Variants in SCN11A observed in about 807,000 individuals in gnomAD.
The protein encoded by SCN11A is sodium channel protein type 11 subunit alpha.
A neutral mutation model predicts 162.2 loss-of-function variants in SCN11A; 122 were observed. The observed-to-expected ratio is 0.75, with a 90% CI of 0.65 to 0.87. The LOEUF (loss-of-function observed/expected upper bound fraction) is 0.87. SCN11A is among the 40% of genes least tolerant of loss of function. SCN11A has a pLI of 0.00. For missense variants in SCN11A, 2,015 were observed against 2,181.6 expected, an observed-to-expected ratio of 0.92 and a Z score of 1.52; for synonymous variants, 758 against 751.5, an observed-to-expected ratio of 1.01 and a Z score of -0.14.
intron 2 of SCN11A, among the ~76,000 whole-genome samples, chr3:39,031,694 T>C (rs2031755857): frequency 6.6e-6 from 1 of 152,230 alleles, no homozygotes; most frequent in Admixed American, 6.5e-5. Context: ...GCTTTACTTC[T>C]GTATAATTAT....
At chr3:38,873,550 G>A (rs190505826) in intron 23 of SCN11A, among the ~76,000 whole-genome samples, 92 of 152,154 alleles carry the variant, frequency 6.0e-4, no homozygotes, top group African/African-American at 2.0e-3. Flanking sequence ...TAGCTTTCTC[G>A]CAAATACTCC....
At chr3:38,971,496 C>T (rs1378367870) in intron 2 of SCN11A, among the ~76,000 whole-genome samples, 4 of 152,190 alleles carry the variant, frequency 2.6e-5, no homozygotes, top group South Asian at 2.1e-4. Flanking sequence ...TCATCTCCCC[C>T]GCACTCATGC....
intron 3 of SCN11A, among the ~76,000 whole-genome samples, chr3:38,958,320 C>A (rs952150203): frequency 7.9e-5 from 12 of 152,206 alleles, no homozygotes; most frequent in Non-Finnish European, 1.6e-4. Context: ...GGCCATGGGC[C>A]ACAGTGCCTG....
chr3:39,049,512 G>A (rs1275475436), intron 1 of SCN11A, among the ~76,000 whole-genome samples: 1 of 152,220 alleles, frequency 6.6e-6, no homozygotes, highest in African/African-American at 2.4e-5. Flanking sequence ...CTCCCTCAAT[G>A]ATGGGGAGGG....
chr3:39,037,452 G>C lies in SCN11A; in HGVS notation c.-403-4949C>G, dbSNP rs79970606. ...TGACTACAGTCATTTATAATTTGTT[G>C]TATGTTTTAGAATAACTAAGGGAGT... On this transcript the variant is annotated intron_variant, in intron 1 of 29. Transcript: ENST00000302328. 6.8e-4 allele frequency among the ~76,000 whole-genome samples: 103 copies of C among 152,166 alleles called. 5 individuals carry two copies. The East Asian group carries it at 0.02, about 29-fold the overall frequency.
intron 7 of SCN11A, among the ~76,000 whole-genome samples, chr3:38,936,552 T>C (rs1254395884): frequency 1.3e-5 from 2 of 151,112 alleles, no homozygotes; most frequent in Non-Finnish European, 2.9e-5. Context: ...TGTACAAAAA[T>C]CACAAGCATT....
intron 14 of SCN11A, among the ~76,000 whole-genome samples, chr3:38,905,877 G>A (rs1377624438): frequency 6.6e-6 from 1 of 152,172 alleles, no homozygotes; most frequent in Non-Finnish European, 1.5e-5. Flanking sequence ...CTGGGCCCAA[G>A]GGCTAGCTCA....
chr3:38,917,607 T>C (rs537502281), intron 11 of SCN11A, among the ~76,000 whole-genome samples: 2 of 152,250 alleles, frequency 1.3e-5, no homozygotes, highest in East Asian at 1.9e-4. Flanking sequence ...AAATGAGAGA[T>C]AAATGATGAG....
In SCN11A at chr3:38,944,950, C is replaced by T. The variant is rs548958278; in HGVS notation, c.488+461G>A. Among the ~76,000 whole-genome samples the T allele has an allele frequency of 7.3e-5, 11 of 150,270 alleles. No individual in the cohort carries two copies. The East Asian group carries it at 1.8e-3, about 24-fold the overall frequency. On this transcript the variant is annotated intron_variant, in intron 7 of 29. Transcript: ENST00000302328. Reference sequence around the variant, plus strand: ...TGCACTCCAGCCTGGGCAACAAGAGCAAAACCCTGTCTCAAAAAATAAAAA... The same window carrying T: ...TGCACTCCAGCCTGGGCAACAAGAGTAAAACCCTGTCTCAAAAAATAAAAA...
rs1359002379 is a variant in SCN11A, at chr3:38,846,930, C to T, written c.5140G>A (p.Ala1714Thr). ...KAMMEEKFME[A>T]NPLKKLYEPI... ...TCATACAACTTCTTGAGAGGATTGG[C>T]TTCCATGAACTTCTCTTCCATCATT... is the stretch of plus-strand genomic sequence containing the variant. Residue 1714 changes from alanine to threonine, a missense_variant, in exon 30 of 30, where the codon GCC becomes ACC. By Grantham distance (58) the Ala-to-Thr change is moderately conservative. Coordinates refer to ENST00000302328, the MANE Select transcript of SCN11A (RefSeq NM_001349253.2). 1 of 1,613,992 alleles carries T rather than the reference C, an allele frequency of 6.2e-7. No individual in the cohort carries two copies. The highest frequency in any genetic ancestry group is 8.5e-7 in the Non-Finnish European group (1 of 1,180,004).
chr3:38,875,572 G>A (rs977252577), intron 23 of SCN11A, among the ~76,000 whole-genome samples: 1 of 152,050 alleles, frequency 6.6e-6, no homozygotes, highest in Non-Finnish European at 1.5e-5. Context: ...TGACCAAGCT[G>A]AGAAACAAGT....
intron 2 of SCN11A, among the ~76,000 whole-genome samples, chr3:38,963,849 C>T (rs985429234): frequency 5.3e-5 from 8 of 152,176 alleles, no homozygotes; most frequent in Non-Finnish European, 1.2e-4. Flanking sequence ...AACCAAATAC[C>T]ACCTGTACCC....
rs1282716878 is a variant in SCN11A at position 38,907,350 on chromosome 3, C to CTA, written c.1473+597_1473+598dup. ...TGTGTGTGTGTGTGTGTGTATATAT[C>CTA]TATATATACACACACACACACACAC... On this transcript the variant is annotated intron_variant, in intron 14 of 29. Transcript: ENST00000302328. Among the ~76,000 whole-genome samples, 84 of 51,542 alleles carry CTA rather than the reference C, an allele frequency of 1.6e-3. 2 individuals carry two copies. Among genetic ancestry groups the CTA allele is most frequent in the Admixed American group, 6.1e-3 (24 of 3,928 alleles). 33.8% of individuals were successfully genotyped at this position (51,542 alleles called of 152,430 possible).
At chr3:38,848,495 C>T (rs1224405223) in intron 29 of SCN11A, among the ~76,000 whole-genome samples, 1 of 152,130 alleles carries the variant, frequency 6.6e-6, no homozygotes, top group African/African-American at 2.4e-5. Flanking sequence ...GCAGAATGCT[C>T]TGCTGTCACC....
intron 16 of SCN11A, among the ~76,000 whole-genome samples, chr3:38,903,598 C>T (rs2065738881): frequency 6.6e-6 from 1 of 152,124 alleles, no homozygotes; most frequent in Non-Finnish European, 1.5e-5. Flanking sequence ...GAGAGCTGAA[C>T]TTTTAGGATG....
rs574125246 is a variant in SCN11A at position 38,948,683 on chromosome 3, C to G, written c.267+1413G>C. Among the ~76,000 whole-genome samples, 7 of 152,292 alleles carry G rather than the reference C, an allele frequency of 4.6e-5. No homozygotes were observed. The East Asian group carries it at 1.3e-3, about 29-fold the overall frequency. On this transcript the variant is annotated intron_variant, in intron 5 of 29. Transcript: ENST00000302328. ...TGTGAGATCATGGGTGTGCAGAGCT[C>G]TAAACAGATATCGTGTCTTCTTATT...
intron 3 of SCN11A, among the ~76,000 whole-genome samples, chr3:38,954,543 A>G (rs894592389): frequency 6.6e-6 from 1 of 152,198 alleles, no homozygotes; most frequent in Non-Finnish European, 1.5e-5. Context: ...TTCTTAAGAA[A>G]GAGAAACTTG....
At chr3:39,046,840 C>T (rs1184691033) in intron 1 of SCN11A, among the ~76,000 whole-genome samples, 2 of 152,142 alleles carry the variant, frequency 1.3e-5, no homozygotes, top group Non-Finnish European at 2.9e-5. Flanking sequence ...CCCACTTTAG[C>T]CTCTTGAGTA....
chr3:38,902,505 C>A (rs1438679082), intron 16 of SCN11A, among the ~76,000 whole-genome samples: 3 of 151,878 alleles, frequency 2.0e-5, no homozygotes, highest in Non-Finnish European at 2.9e-5. Context: ...AGGTACCTGA[C>A]TCTAGTGCAG....
Sources: allele counts gnomAD v4.1 joint callset (sites outside exome capture counted in the v4.1 genomes callset), GRCh38; gene constraint gnomAD v4.1.1; transcripts MANE v1.5; gene names NCBI Gene and HGNC (gene_info 2026-07-23, HGNC 2026-07-21).